Variants in RBFOX1 observed in about 807,000 individuals in gnomAD.
RBFOX1 encodes RNA binding fox-1 homolog 1.
RBFOX1 carries 8 observed loss-of-function variants against 57.7 expected under a neutral mutation model. That is an observed-to-expected ratio of 0.14 (90% CI 0.08 to 0.25). RBFOX1 has a LOEUF of 0.25. Ranked by LOEUF, RBFOX1 falls within the 10% of genes least tolerant of loss-of-function variation. The probability of loss-of-function intolerance (pLI) is 1.00; values close to 1 mark genes in which losing one functional copy is unlikely to be tolerated. For synonymous variants in RBFOX1, 326 were observed against 222.4 expected (o/e 1.47, Z -4.15); for missense variants, 611 against 548.5 (o/e 1.11, Z -1.14).
At chr16:5,828,582 C>G (rs2056157369) in intron 3 of RBFOX1, among the ~76,000 whole-genome samples, 1 of 152,036 alleles carries the variant, frequency 6.6e-6, no homozygotes, top group Admixed American at 6.6e-5. Flanking sequence ...GCCTGTAGTC[C>G]CAGCTACTCG....
intron 2 of RBFOX1, among the ~76,000 whole-genome samples, chr16:6,462,540 AT>A (rs1038412075): frequency 5.9e-5 from 9 of 152,026 alleles, no homozygotes; most frequent in African/African-American, 2.2e-4. Flanking sequence ...GGATTTGTGT[AT>A]TTTTTTCTTC....
rs11860264 is a variant in RBFOX1 at position 7,401,469 on chromosome 16, C to G, written c.28-116678C>G. Among the ~76,000 whole-genome samples the G allele has an allele frequency of 9.9e-3, 1,506 of 152,096 alleles. 23 individuals are homozygous for G. The highest frequency in any genetic ancestry group is 0.034 in the African/African-American group (1,418 of 41,482). On this transcript the variant is annotated intron_variant, in intron 4 of 15. Coordinates refer to ENST00000550418, the MANE Select transcript of RBFOX1 (RefSeq NM_018723.4). Reference sequence around the variant, plus strand: ...GCTGTATGGATCGATAGCTAGATGGCTAAATATGTTGATAGACCCTCAAAC... The same window carrying G: ...GCTGTATGGATCGATAGCTAGATGGGTAAATATGTTGATAGACCCTCAAAC...
At chr16:6,986,871 A>G (rs2090405278) in intron 3 of RBFOX1, among the ~76,000 whole-genome samples, 1 of 152,128 alleles carries the variant, frequency 6.6e-6, no homozygotes, top group Non-Finnish European at 1.5e-5. Flanking sequence ...CCATCTTAGA[A>G]TCCTAGAATC....
intron 5 of RBFOX1, among the ~76,000 whole-genome samples, chr16:7,578,082 G>A (rs778904974): frequency 1.1e-4 from 17 of 152,130 alleles, no homozygotes; most frequent in Non-Finnish European, 2.4e-4. Flanking sequence ...CCTTTCCTTC[G>A]TGTTTCTCAA....
At chr16:6,476,316 T>C (rs1249577843) in intron 2 of RBFOX1, among the ~76,000 whole-genome samples, 2 of 152,116 alleles carry the variant, frequency 1.3e-5, no homozygotes, top group Admixed American at 6.5e-5. Flanking sequence ...AAATAGTAAA[T>C]ACACATCTTG....
intron 2 of RBFOX1, among the ~76,000 whole-genome samples, chr16:5,521,269 C>G (rs1383949762): frequency 7.7e-6 from 1 of 130,364 alleles, no homozygotes; most frequent in Non-Finnish European, 1.5e-5. Context: ...ATGCCCAGTG[C>G]TTTCTCAAGG....
intron 3 of RBFOX1, among the ~76,000 whole-genome samples, chr16:6,930,371 A>G (rs116749258): frequency 0.014 from 2,070 of 152,194 alleles, 42 homozygotes; most frequent in African/African-American, 0.047. Context: ...CAAAGTCACA[A>G]TGAGATACCA....
At chr16:6,978,065 C>T (rs1274838037) in intron 3 of RBFOX1, among the ~76,000 whole-genome samples, 3 of 139,310 alleles carry the variant, frequency 2.2e-5, no homozygotes, top group Middle Eastern at 3.3e-3. Flanking sequence ...CTGCCCCGTA[C>T]CCCGCCCCCC....
At chr16:5,856,575 GTATATATATA>G (rs375112636) in intron 3 of RBFOX1, among the ~76,000 whole-genome samples, 3 of 32,916 alleles carry the variant, frequency 9.1e-5, no homozygotes, top group Non-Finnish European at 1.7e-4. Context: ...GTGTGTGTGT[GTATATATATA>G]TATATATATA....
intron 2 of RBFOX1, among the ~76,000 whole-genome samples, chr16:6,504,749 C>T (rs2096044215): frequency 6.6e-6 from 1 of 152,126 alleles, no homozygotes; most frequent in Non-Finnish European, 1.5e-5. Flanking sequence ...ATCAAATCGG[C>T]ACTTCTATTT....
At chr16:7,104,505 T>C (rs2063233956) in intron 4 of RBFOX1, among the ~76,000 whole-genome samples, 1 of 152,106 alleles carries the variant, frequency 6.6e-6, no homozygotes, top group African/African-American at 2.4e-5. Flanking sequence ...CTATTCAAGA[T>C]CCTGACTTTA....
intron 3 of RBFOX1, among the ~76,000 whole-genome samples, chr16:6,691,734 G>C (rs932240167): frequency 6.6e-6 from 1 of 152,178 alleles, no homozygotes; most frequent in Non-Finnish European, 1.5e-5. Context: ...ACCGCACATG[G>C]CCAAGGAATT....
At chr16:5,288,567 G>A (rs1230796236) in intron 1 of RBFOX1, among the ~76,000 whole-genome samples, 14 of 151,660 alleles carry the variant, frequency 9.2e-5, no homozygotes, top group Middle Eastern at 6.9e-3. Context: ...TGCCTCCAGA[G>A]TAGAAGATCC....
At chr16:7,078,586 G>C (rs117108388) in intron 4 of RBFOX1, among the ~76,000 whole-genome samples, 1 of 151,968 alleles carries the variant, frequency 6.6e-6, no homozygotes. Flanking sequence ...GGCCTCAAGT[G>C]ATCCACCCAC....
At chr16:6,888,975 TTC>T (rs1472771353) in intron 3 of RBFOX1, among the ~76,000 whole-genome samples, 6 of 152,188 alleles carry the variant, frequency 3.9e-5, no homozygotes, top group Non-Finnish European at 7.3e-5. Flanking sequence ...GACACAGCTT[TTC>T]TGTTTCTTAA....
At chr16:7,556,043 T>A (rs1267527849) in intron 5 of RBFOX1, among the ~76,000 whole-genome samples, 1 of 152,234 alleles carries the variant, frequency 6.6e-6, no homozygotes, top group Non-Finnish European at 1.5e-5. Flanking sequence ...AACCTAAATA[T>A]TAAATTTTAT....
At chr16:7,027,907 G>A (rs11865603) in intron 3 of RBFOX1, among the ~76,000 whole-genome samples, 19,581 of 151,028 alleles carry the variant, frequency 0.13, 1,326 homozygotes, top group Middle Eastern at 0.17. Context: ...GAGAAGGGAG[G>A]AAGAAAAGAA....
intron 2 of RBFOX1, among the ~76,000 whole-genome samples, chr16:5,518,976 C>G (rs1210942714): frequency 1.3e-5 from 2 of 152,102 alleles, no homozygotes; most frequent in Non-Finnish European, 2.9e-5. Context: ...GGATGGGTGG[C>G]CCTCATCCAT....
chr16:6,188,822 C>G (rs193112682), intron 1 of RBFOX1, among the ~76,000 whole-genome samples: 1 of 152,286 alleles, frequency 6.6e-6, no homozygotes, highest in Admixed American at 6.5e-5. Flanking sequence ...GAAGCACATA[C>G]AGTTCATTTT....
Sources: allele counts gnomAD v4.1 joint callset (sites outside exome capture counted in the v4.1 genomes callset), GRCh38; gene constraint gnomAD v4.1.1; transcripts MANE v1.5; gene names NCBI Gene and HGNC (gene_info 2026-07-23, HGNC 2026-07-21).